The following NAA11 variants were observed in gnomAD, a reference collection of about 807,000 sequenced individuals.
NAA11 encodes N-alpha-acetyltransferase 11.
In NAA11, 15 loss-of-function variants were observed where a neutral mutation model predicts 16.1. The observed-to-expected ratio is 0.93, with a 90% confidence interval of 0.62 to 1.44. The LOEUF is 1.44. NAA11 is among the 40% of genes most tolerant of loss of function. The probability of loss-of-function intolerance (pLI) is 0.00; values close to 1 mark genes in which losing one functional copy is unlikely to be tolerated. For missense variants in NAA11, 298 were observed against 291.3 expected (o/e 1.02, Z -0.17); for synonymous variants, 122 against 112.4 (o/e 1.09, Z -0.54).
the NAA11 span, among the ~76,000 whole-genome samples, chr4:79,213,753 A>G: frequency 6.6e-6 from 1 of 152,172 alleles, no homozygotes; most frequent in Non-Finnish European, 1.5e-5. Context: ...GGTCAAGTAC[A>G]TGGAATCCCT....
At chr4:79,215,793 ATAG>A in the NAA11 span, among the ~76,000 whole-genome samples, 1 of 152,234 alleles carries the variant, frequency 6.6e-6, no homozygotes, top group Non-Finnish European at 1.5e-5. Context: ...AATGAGGATA[ATAG>A]TAGTTCTTAT....
chr4:79,309,804 C>T (rs780972828), intron 1 of NAA11, among the ~76,000 whole-genome samples: 4 of 137,526 alleles, frequency 2.9e-5, no homozygotes, highest in Non-Finnish European at 4.6e-5. Context: ...CAACCTCCAT[C>T]TCCCGGGTTC....
At chr4:79,291,974 T>C (rs1311284759) in intron 2 of NAA11, among the ~76,000 whole-genome samples, 1 of 152,188 alleles carries the variant, frequency 6.6e-6, no homozygotes, top group Non-Finnish European at 1.5e-5. Context: ...CAATTACAAA[T>C]TTCATCTTCT....
chr4:79,229,456 G>A (rs1721407236), intron 2 of NAA11, among the ~76,000 whole-genome samples: 1 of 151,824 alleles, frequency 6.6e-6, no homozygotes. Context: ...ATATAGATGA[G>A]AAAATTAGTT....
intron 2 of NAA11, among the ~76,000 whole-genome samples, chr4:79,272,909 G>T (rs1199707577): frequency 6.6e-6 from 1 of 151,816 alleles, no homozygotes; most frequent in Non-Finnish European, 1.5e-5. Context: ...AGTTGATGGG[G>T]GCTGCTATTA....
chr4:79,275,851 T>A (rs1006794430), intron 2 of NAA11, among the ~76,000 whole-genome samples: 7 of 152,098 alleles, frequency 4.6e-5, no homozygotes, highest in Admixed American at 2.0e-4. Flanking sequence ...GTAAGCAACA[T>A]CGTAAATGCC....
the NAA11 span, among the ~76,000 whole-genome samples, chr4:79,156,128 T>C: frequency 5.9e-5 from 9 of 152,186 alleles, no homozygotes; most frequent in South Asian, 2.1e-4. Context: ...CACATATGTA[T>C]ATTTGTAGTA....
At chr4:79,160,152 C>G in the NAA11 span, among the ~76,000 whole-genome samples, 2 of 152,016 alleles carry the variant, frequency 1.3e-5, no homozygotes, top group African/African-American at 2.4e-5. Flanking sequence ...CCACCATGCT[C>G]AGCTAATTTT....
chr4:79,293,299 C>T (rs907345231), intron 2 of NAA11, among the ~76,000 whole-genome samples: 1 of 152,070 alleles, frequency 6.6e-6, no homozygotes. Context: ...CTCTGATCTT[C>T]CCTCATTCGG....
At chr4:79,157,200 T>C in the NAA11 span, among the ~76,000 whole-genome samples, 1 of 152,116 alleles carries the variant, frequency 6.6e-6, no homozygotes, top group African/African-American at 2.4e-5. Context: ...GTTGCACCCA[T>C]TACCCAAGCA....
At chr4:79,208,087 T>C in the NAA11 span, among the ~76,000 whole-genome samples, 1 of 152,154 alleles carries the variant, frequency 6.6e-6, no homozygotes, top group African/African-American at 2.4e-5. Flanking sequence ...CAGACAGTCT[T>C]TAAGTACATT....
At chr4:79,302,081 T>A (rs1275061305) in intron 1 of NAA11, among the ~76,000 whole-genome samples, 1 of 152,076 alleles carries the variant, frequency 6.6e-6, no homozygotes, top group East Asian at 1.9e-4. Flanking sequence ...AAATGACATA[T>A]GGAATATTTT....
chr4:79,302,194 T>G (rs1723409492), intron 1 of NAA11, among the ~76,000 whole-genome samples: 2 of 152,204 alleles, frequency 1.3e-5, no homozygotes, highest in Non-Finnish European at 2.9e-5. Flanking sequence ...AAATTGAAAT[T>G]ATATTACAGA....
At chr4:79,285,400 T>C (rs574084834) in intron 2 of NAA11, among the ~76,000 whole-genome samples, 15 of 152,220 alleles carry the variant, frequency 9.9e-5, no homozygotes, top group African/African-American at 3.1e-4. Context: ...TGATTTAGAA[T>C]GCTGTCTGTT....
intron 2 of NAA11, among the ~76,000 whole-genome samples, chr4:79,259,723 T>A (rs1014062989): frequency 1.1e-4 from 16 of 152,252 alleles, no homozygotes; most frequent in Non-Finnish European, 1.0e-4. Context: ...TATAATGACT[T>A]TCTGTAAATA....
the NAA11 span, among the ~76,000 whole-genome samples, chr4:79,169,462 A>G: frequency 1.3e-5 from 2 of 152,108 alleles, no homozygotes; most frequent in Non-Finnish European, 2.9e-5. Flanking sequence ...CACACCTACA[A>G]CCATCTGATC....
At chr4:79,273,227 G>A (rs1722543297) in intron 2 of NAA11, among the ~76,000 whole-genome samples, 1 of 151,832 alleles carries the variant, frequency 6.6e-6, no homozygotes, top group African/African-American at 2.4e-5. Context: ...ATTGATGGTG[G>A]GCCCCTTGGA....
the NAA11 span, among the ~76,000 whole-genome samples, chr4:79,207,637 A>C: frequency 6.6e-6 from 1 of 152,134 alleles, no homozygotes; most frequent in South Asian, 2.1e-4. Context: ...TGGCAGCCTG[A>C]GCAGACTAAT....
At chr4:79,286,541 A>G (rs1373015956) in intron 2 of NAA11, among the ~76,000 whole-genome samples, 2 of 152,168 alleles carry the variant, frequency 1.3e-5, no homozygotes, top group Non-Finnish European at 2.9e-5. Context: ...TATTTCAGAA[A>G]GTTATCAGAT....
Sources: allele counts gnomAD v4.1 joint callset (sites outside exome capture counted in the v4.1 genomes callset), GRCh38; gene constraint gnomAD v4.1.1; transcripts MANE v1.5; gene names NCBI Gene and HGNC (gene_info 2026-07-23, HGNC 2026-07-21).